UVRAG: variants seen among roughly 807,000 people sequenced by gnomAD.
The protein encoded by UVRAG is UV radiation resistance associated, also known as UV radiation resistance-associated gene protein.
UVRAG carries 19 observed loss-of-function variants against 78.0 expected under a neutral mutation model. That is an observed-to-expected ratio of 0.24 (90% CI 0.17 to 0.36). The LOEUF (loss-of-function observed/expected upper bound fraction) is 0.36, where lower values mean the gene tolerates loss of function less well. Among genes scored for constraint, UVRAG ranks in the 10% least tolerant of loss-of-function variants. The pLI is 1.00. For missense variants in UVRAG, 740 were observed against 853.8 expected (o/e 0.87, Z 1.66); for synonymous variants, 323 against 324.6 (o/e 1.00, Z 0.05).
rs540947561 is a variant in UVRAG at position 75,922,276 on chromosome 11, C to G, written c.593+10237C>G. On this transcript the variant is annotated intron_variant, in intron 6 of 14. Coordinates refer to ENST00000356136, the MANE Select transcript of UVRAG (RefSeq NM_003369.4). ...CATTTGGCTTTCTGTTACATTTGTT[C>G]TTAAGTATGTTATAGTTTTTACAGT... Among the ~76,000 whole-genome samples, 6 of 152,052 alleles carry G rather than the reference C, an allele frequency of 3.9e-5. No individual in the cohort carries two copies. The South Asian group carries it at 1.2e-3, about 32-fold the overall frequency.
At chr11:76,069,034 T>C (rs1038487714) in intron 13 of UVRAG, among the ~76,000 whole-genome samples, 1 of 152,252 alleles carries the variant, frequency 6.6e-6, no homozygotes, top group Non-Finnish European at 1.5e-5. Context: ...TAATACTGCA[T>C]CCATAACTTG....
chr11:75,877,004 A>C (rs933722048), intron 3 of UVRAG, among the ~76,000 whole-genome samples: 7 of 151,410 alleles, frequency 4.6e-5, no homozygotes, highest in African/African-American at 1.7e-4. Context: ...GGCCTTCCGC[A>C]GTGTTTGTGT....
intron 14 of UVRAG, chr11:76,137,712 A>C: frequency 3.1e-6 from 1 of 321,528 alleles, no homozygotes; most frequent in Non-Finnish European, 6.1e-6. Context: ...CAGTGTGTGC[A>C]AGATGATGAG....
At chr11:75,972,619 T>C (rs1445039209) in intron 7 of UVRAG, among the ~76,000 whole-genome samples, 1 of 152,256 alleles carries the variant, frequency 6.6e-6, no homozygotes, top group Non-Finnish European at 1.5e-5. Context: ...GATCTGTTTG[T>C]CTGTTCTTTT....
intron 14 of UVRAG, among the ~76,000 whole-genome samples, chr11:76,133,772 A>G (rs1296276842): frequency 6.6e-6 from 1 of 152,104 alleles, no homozygotes; most frequent in Non-Finnish European, 1.5e-5. Context: ...AGCAGTAGGT[A>G]GATCATGAAA....
chr11:76,022,363 A>G (rs1244743724), intron 12 of UVRAG, among the ~76,000 whole-genome samples: 2 of 152,162 alleles, frequency 1.3e-5, no homozygotes, highest in East Asian at 3.8e-4. Flanking sequence ...TAAATGTTCC[A>G]TTTATGACTG....
chr11:75,960,373 A>G (rs951012128), intron 6 of UVRAG, among the ~76,000 whole-genome samples: 3 of 152,178 alleles, frequency 2.0e-5, no homozygotes, highest in Non-Finnish European at 4.4e-5. Context: ...TTTGTTTTGT[A>G]GATTTCTGAT....
chr11:76,045,700 TA>T (rs34827474), intron 12 of UVRAG, among the ~76,000 whole-genome samples: 6,735 of 130,822 alleles, frequency 0.051, 463 homozygotes, highest in African/African-American at 0.18. Context: ...GTTTTTCTCT[TA>T]AAAAAAAAAA....
Position 76,140,902 on chromosome 11 carries a change from C to T in UVRAG, c.1589C>T (p.Pro530Leu). 1.9e-6 allele frequency: 3 copies of T among 1,614,198 alleles called. No individual in the cohort carries two copies. The highest frequency in any genetic ancestry group is 1.7e-6 in the Non-Finnish European group (2 of 1,180,028). The stretch of plus-strand genomic sequence containing the variant: ...AGTTACAACTCAGCATTAGCCCAGC[C>T]TGTGACCACCGTCCCCTCCATGGGA... The part of the protein sequence containing the change: ...PPSYNSALAQ[P>L]VTTVPSMGET... The change falls in exon 15 of 15, where the codon CCT (proline) becomes CTT (leucine). Residue 530 changes from proline (P) to leucine (L), a missense_variant. Physicochemically the swap from Pro to Leu is moderately conservative, Grantham distance 98. Transcript: ENST00000356136.
chr11:76,012,823 GT>G (rs2135358899), intron 11 of UVRAG: 1 of 151,250 alleles, frequency 6.6e-6, no homozygotes, highest in South Asian at 2.1e-4. Flanking sequence ...GTGTGTGTGT[GT>G]GTGTGTGTGT....
intron 13 of UVRAG, among the ~76,000 whole-genome samples, chr11:76,070,370 G>C (rs1010931165): frequency 6.6e-6 from 1 of 152,084 alleles, no homozygotes. Flanking sequence ...CATAAGTCTA[G>C]GGATATAATA....
chr11:76,004,918 T>C (rs191000666), intron 9 of UVRAG, among the ~76,000 whole-genome samples: 1 of 152,356 alleles, frequency 6.6e-6, no homozygotes, highest in East Asian at 1.9e-4. Flanking sequence ...CAATAGTTTT[T>C]CTCTTCATTT....
intron 2 of UVRAG, among the ~76,000 whole-genome samples, chr11:75,857,529 GC>G (rs1271403883): frequency 7.1e-6 from 1 of 140,912 alleles, no homozygotes; most frequent in East Asian, 2.1e-4. Context: ...TCGCTCTGTT[GC>G]CCAGGCTGGA....
At chr11:76,029,219 A>G (rs1950390132) in intron 12 of UVRAG, among the ~76,000 whole-genome samples, 2 of 152,206 alleles carry the variant, frequency 1.3e-5, no homozygotes, top group South Asian at 4.1e-4. Context: ...TCAGAAAAAA[A>G]TATTCCTTTC....
intron 8 of UVRAG, among the ~76,000 whole-genome samples, chr11:75,995,971 C>T (rs1171440244): frequency 1.3e-5 from 2 of 152,024 alleles, no homozygotes; most frequent in Non-Finnish European, 2.9e-5. Context: ...GCAATAAAAG[C>T]CAGACAACTT....
chr11:75,840,105 G>A (rs891819845), intron 1 of UVRAG, among the ~76,000 whole-genome samples: 4 of 151,548 alleles, frequency 2.6e-5, no homozygotes, highest in African/African-American at 9.7e-5. Context: ...GGTCATCCTG[G>A]GTAACTGTGT....
chr11:75,905,885 CTT>C (rs879808805), intron 5 of UVRAG, among the ~76,000 whole-genome samples: 2 of 146,054 alleles, frequency 1.4e-5, no homozygotes, highest in Admixed American at 6.8e-5. Context: ...AACTGCTAAA[CTT>C]TTTTTTTTTT....
chr11:76,042,310 G>A (rs1329876001), intron 12 of UVRAG, among the ~76,000 whole-genome samples: 5 of 152,210 alleles, frequency 3.3e-5, no homozygotes, highest in African/African-American at 4.8e-5. Flanking sequence ...AGAATGGTAC[G>A]TATGGTTCAT....
chr11:76,030,771 C>T (rs557936861), intron 12 of UVRAG, among the ~76,000 whole-genome samples: 1 of 152,280 alleles, frequency 6.6e-6, no homozygotes, highest in East Asian at 1.9e-4. Flanking sequence ...AAACTTTCAT[C>T]GTAAGCTCTT....
Sources: allele counts gnomAD v4.1 joint callset (sites outside exome capture counted in the v4.1 genomes callset), GRCh38; gene constraint gnomAD v4.1.1; transcripts MANE v1.5; gene names NCBI Gene and HGNC (gene_info 2026-07-23, HGNC 2026-07-21).